Variants in NRG3 observed in about 807,000 individuals in gnomAD.
NRG3 encodes neuregulin 3, also known as pro-neuregulin-3, membrane-bound isoform.
In NRG3, 31 loss-of-function variants were observed where a neutral mutation model predicts 66.9. The ratio of observed to expected loss-of-function variants is 0.46; its 90% CI spans 0.35 to 0.63. NRG3 has a LOEUF of 0.63. Ranked by LOEUF, NRG3 falls within the 20% of genes least tolerant of loss-of-function variation. NRG3 has a pLI of 0.00. For synonymous variants in NRG3, 393 were observed against 359.4 expected, an observed-to-expected ratio of 1.09 and a Z score of -1.06; for missense variants, 910 against 878.9, an observed-to-expected ratio of 1.04 and a Z score of -0.45.
At chr10:81,980,598 A>AGT (rs2060299043) in intron 1 of NRG3, among the ~76,000 whole-genome samples, 1 of 152,212 alleles carries the variant, frequency 6.6e-6, no homozygotes, top group African/African-American at 2.4e-5. Context: ...CACTATATAC[A>AGT]AAATGGAATC....
At position 82,494,481 on chromosome 10, in the gene NRG3, ATG is replaced by A. The variant is rs377198509; in HGVS notation, c.953+135631_953+135632del. Among the ~76,000 whole-genome samples, 169 of 149,954 alleles carry A rather than the reference ATG, an allele frequency of 1.1e-3. 1 individual carries two copies. The highest frequency in any genetic ancestry group is 3.0e-3 in the Admixed American group (45 of 15,050). On this transcript the variant is annotated intron_variant, in intron 2 of 8. Transcript: ENST00000372141. ...GTTGTGTGTGTATGTGTAAGTGCGAATGTGTGTGTGTGTGTGTGTATGGATTT... is the reference window on the plus strand; with the variant it reads ...GTTGTGTGTGTATGTGTAAGTGCGAATGTGTGTGTGTGTGTGTATGGATTT...
intron 3 of NRG3, among the ~76,000 whole-genome samples, chr10:82,740,466 A>G (rs2058368854): frequency 6.6e-6 from 1 of 152,122 alleles, no homozygotes; most frequent in Non-Finnish European, 1.5e-5. Context: ...TCCTCGTAGA[A>G]CAAAATGGTC....
At chr10:82,679,214 T>C (rs2134106670) in intron 2 of NRG3, among the ~76,000 whole-genome samples, 1 of 152,346 alleles carries the variant, frequency 6.6e-6, no homozygotes, top group South Asian at 2.1e-4. Context: ...CTCTGGACTG[T>C]TGTATAGTCA....
At chr10:82,316,635 C>T (rs2081310643) in intron 1 of NRG3, among the ~76,000 whole-genome samples, 1 of 152,152 alleles carries the variant, frequency 6.6e-6, no homozygotes, top group Non-Finnish European at 1.5e-5. Context: ...CTGTCATTTG[C>T]TCCATTTTGT....
intron 3 of NRG3, among the ~76,000 whole-genome samples, chr10:82,761,918 CTT>C (rs1591441597): frequency 3.9e-5 from 5 of 127,240 alleles, no homozygotes; most frequent in East Asian, 2.3e-4. Flanking sequence ...TTCTTTCTTT[CTT>C]TCTCTTTCTT....
intron 1 of NRG3, among the ~76,000 whole-genome samples, chr10:82,331,197 T>C (rs1266871775): frequency 6.6e-6 from 1 of 152,228 alleles, no homozygotes; most frequent in Non-Finnish European, 1.5e-5. Context: ...CTCAATGCTT[T>C]CCTTCCTTTC....
intron 3 of NRG3, among the ~76,000 whole-genome samples, chr10:82,762,454 A>T (rs2059367534): frequency 6.6e-6 from 1 of 152,194 alleles, no homozygotes; most frequent in South Asian, 2.1e-4. Context: ...TAGGCCATAC[A>T]ATGCAAACTC....
intron 1 of NRG3, among the ~76,000 whole-genome samples, chr10:82,030,872 G>T (rs2062539476): frequency 1.3e-5 from 2 of 152,132 alleles, no homozygotes; most frequent in Non-Finnish European, 2.9e-5. Flanking sequence ...GGAATGGGGA[G>T]TTCTTGAAGG....
intron 6 of NRG3, among the ~76,000 whole-genome samples, chr10:82,960,040 C>G (rs1331589308): frequency 6.6e-6 from 1 of 152,182 alleles, no homozygotes; most frequent in East Asian, 1.9e-4. Flanking sequence ...TCATCCAGGA[C>G]ACATTCACAC....
chr10:82,501,045 C>A (rs980448399), intron 2 of NRG3, among the ~76,000 whole-genome samples: 3 of 152,016 alleles, frequency 2.0e-5, no homozygotes, highest in African/African-American at 7.2e-5. Flanking sequence ...TTAATTTGAA[C>A]ATATTGTGTC....
chr10:82,296,905 T>G (rs56319049), intron 1 of NRG3, among the ~76,000 whole-genome samples: 43,351 of 151,930 alleles, frequency 0.29, 6,321 homozygotes, highest in Middle Eastern at 0.33. Flanking sequence ...ACCCAGTAGG[T>G]AGTTCTTCAA....
intron 3 of NRG3, among the ~76,000 whole-genome samples, chr10:82,804,019 G>A (rs891704082): frequency 2.6e-5 from 4 of 152,058 alleles, no homozygotes; most frequent in East Asian, 1.9e-4. Context: ...CAGCACATCC[G>A]CGCCATCCGT....
chr10:82,716,624 C>G (rs144415570), intron 2 of NRG3, among the ~76,000 whole-genome samples: 16 of 152,086 alleles, frequency 1.1e-4, no homozygotes, highest in African/African-American at 3.9e-4. Context: ...TTGTCCAAAC[C>G]AAAATGAGGC....
At chr10:82,447,521 T>C (rs2090796510) in intron 2 of NRG3, among the ~76,000 whole-genome samples, 1 of 152,244 alleles carries the variant, frequency 6.6e-6, no homozygotes, top group African/African-American at 2.4e-5. Flanking sequence ...ACTTTAAATG[T>C]TGCTTTTCTA....
At chr10:82,727,608 G>T (rs968789254) in intron 2 of NRG3, among the ~76,000 whole-genome samples, 4 of 152,238 alleles carry the variant, frequency 2.6e-5, no homozygotes, top group Admixed American at 2.6e-4. Flanking sequence ...TGCTGCAGGG[G>T]CAGGATGCTC....
chr10:81,876,271 C>T (rs1276944644), intron 1 of NRG3, 108 bp downstream of exon 1: 2 of 1,423,082 alleles, frequency 1.4e-6, no homozygotes, highest in Non-Finnish European at 9.4e-7. Context: ...CCTCCCCCAT[C>T]CCAGGTTTGG....
intron 1 of NRG3, among the ~76,000 whole-genome samples, chr10:82,184,967 T>C (rs2073705217): frequency 6.6e-6 from 1 of 152,174 alleles, no homozygotes; most frequent in Admixed American, 6.5e-5. Context: ...GCTAATTAAT[T>C]GACAGGGCAC....
At chr10:82,108,416 A>T (rs896086921) in intron 1 of NRG3, among the ~76,000 whole-genome samples, 6 of 152,190 alleles carry the variant, frequency 3.9e-5, no homozygotes, top group African/African-American at 1.4e-4. Flanking sequence ...ACTTAGTGTG[A>T]CTGTACTGGA....
chr10:82,920,051 T>C (rs1846272146), intron 4 of NRG3, among the ~76,000 whole-genome samples: 1 of 152,184 alleles, frequency 6.6e-6, no homozygotes, highest in Non-Finnish European at 1.5e-5. Flanking sequence ...GAAGTTGTCA[T>C]TCCCATACTT....
Sources: allele counts gnomAD v4.1 joint callset (sites outside exome capture counted in the v4.1 genomes callset), GRCh38; gene constraint gnomAD v4.1.1; transcripts MANE v1.5; gene names NCBI Gene and HGNC (gene_info 2026-07-23, HGNC 2026-07-21).